The following KCNQ3 variants were observed in gnomAD, a reference collection of about 807,000 sequenced individuals.
KCNQ3 encodes the protein potassium voltage-gated channel subfamily Q member 3.
A neutral mutation model predicts 92.5 loss-of-function variants in KCNQ3; 30 were observed. The observed-to-expected ratio is 0.32, with a 90% CI of 0.24 to 0.44. KCNQ3 has a LOEUF of 0.44. KCNQ3 is among the 20% of genes least tolerant of loss of function. The pLI is 1.00. For synonymous variants in KCNQ3, 450 were observed against 468.8 expected, an observed-to-expected ratio of 0.96 and a Z score of 0.52; for missense variants, 913 against 1,140.3, an observed-to-expected ratio of 0.80 and a Z score of 2.87.
intron 7 of KCNQ3, among the ~76,000 whole-genome samples, chr8:132,171,992 CAA>C (rs34581870): frequency 1.4e-3 from 193 of 142,576 alleles, no homozygotes; most frequent in African/African-American, 4.6e-3. Context: ...CTCATCTCTA[CAA>C]AAAAAAAAAA....
chr8:132,169,111 G>T (rs1826230338), intron 8 of KCNQ3, among the ~76,000 whole-genome samples: 1 of 152,194 alleles, frequency 6.6e-6, no homozygotes, highest in Non-Finnish European at 1.5e-5. Context: ...AAGTGTCAGA[G>T]CCTGACTCTG....
At chr8:132,139,529 T>G (rs185886814) in intron 11 of KCNQ3, among the ~76,000 whole-genome samples, 2 of 152,372 alleles carry the variant, frequency 1.3e-5, no homozygotes, top group East Asian at 3.9e-4. Context: ...GCTTACATGC[T>G]GATAAAGTTT....
chr8:132,192,329 A>G (rs1827185334), intron 1 of KCNQ3, among the ~76,000 whole-genome samples: 1 of 152,216 alleles, frequency 6.6e-6, no homozygotes, highest in South Asian at 2.1e-4. Context: ...ACCCTCCTTA[A>G]CCTGAGAAGA....
intron 1 of KCNQ3, among the ~76,000 whole-genome samples, chr8:132,417,153 T>C (rs1465055177): frequency 2.0e-5 from 3 of 152,114 alleles, no homozygotes; most frequent in African/African-American, 7.2e-5. Context: ...GTGGGCAACA[T>C]CCCGTATAGA....
chr8:132,378,413 AC>A (rs1352297630), intron 1 of KCNQ3, among the ~76,000 whole-genome samples: 2 of 152,090 alleles, frequency 1.3e-5, no homozygotes, highest in African/African-American at 4.8e-5. Flanking sequence ...GAAAGACAAT[AC>A]TAAAAACATT....
chr8:132,382,741 T>C (rs760798200), intron 1 of KCNQ3, among the ~76,000 whole-genome samples: 15 of 152,022 alleles, frequency 9.9e-5, no homozygotes, highest in Non-Finnish European at 1.6e-4. Context: ...TCCTTGTGAA[T>C]TGGGGAAGGG....
intron 1 of KCNQ3, among the ~76,000 whole-genome samples, chr8:132,230,124 C>A (rs1183805337): frequency 6.6e-6 from 1 of 152,080 alleles, no homozygotes; most frequent in East Asian, 1.9e-4. Flanking sequence ...CAGATGACAG[C>A]ACCAAACAAC....
chr8:132,385,939 A>C (rs951930325), intron 1 of KCNQ3, among the ~76,000 whole-genome samples: 1 of 152,156 alleles, frequency 6.6e-6, no homozygotes, highest in African/African-American at 2.4e-5. Context: ...TCCGGGCAAA[A>C]AAAAAATCAA....
rs1818224594 is a variant in KCNQ3 at position 132,331,403 on chromosome 8, G to A, written c.387-145222C>T. ...GGCTGACTCAGTCTCACCTGCAGAG[G>A]ACCCAGCTGAGACTCAGGGGTGCCC... On this transcript the variant is annotated intron_variant, in intron 1 of 14. Transcript: ENST00000388996. Among the ~76,000 whole-genome samples, 6 of 152,286 alleles carry A rather than the reference G, an allele frequency of 3.9e-5. No homozygotes were observed. In the South Asian group the frequency reaches 1.2e-3, roughly 32 times the overall value.
intron 1 of KCNQ3, among the ~76,000 whole-genome samples, chr8:132,347,885 G>A (rs942043708): frequency 1.3e-5 from 2 of 151,278 alleles, no homozygotes; most frequent in East Asian, 3.9e-4. Context: ...GCTGAGGCAG[G>A]AGAATGGCGT....
intron 9 of KCNQ3, among the ~76,000 whole-genome samples, chr8:132,142,342 G>A (rs1208732605): frequency 6.6e-6 from 1 of 152,060 alleles, no homozygotes; most frequent in African/African-American, 2.4e-5. Flanking sequence ...GCTGACCTTC[G>A]GCAAATCTGT....
chr8:132,404,035 TC>T (rs969849707), intron 1 of KCNQ3, among the ~76,000 whole-genome samples: 3 of 152,156 alleles, frequency 2.0e-5, no homozygotes, highest in Non-Finnish European at 4.4e-5. Context: ...TCTGTACATC[TC>T]CACAGACCAG....
intron 1 of KCNQ3, among the ~76,000 whole-genome samples, chr8:132,379,531 C>G (rs1013101309): frequency 6.6e-6 from 1 of 152,174 alleles, no homozygotes; most frequent in Non-Finnish European, 1.5e-5. Flanking sequence ...CCACATCCCA[C>G]AAGGTGAGGT....
At chr8:132,157,264 A>C (rs988270694) in intron 9 of KCNQ3, among the ~76,000 whole-genome samples, 33 of 152,212 alleles carry the variant, frequency 2.2e-4, no homozygotes, top group African/African-American at 8.0e-4. Context: ...TACCATGCTC[A>C]TAGGTAGAGA....
chr8:132,255,280 T>C (rs957408458), intron 1 of KCNQ3, among the ~76,000 whole-genome samples: 5 of 152,140 alleles, frequency 3.3e-5, no homozygotes, highest in Non-Finnish European at 1.5e-5. Context: ...AAATTTCACT[T>C]GCAGGACTTG....
chr8:132,414,293 G>T (rs1820733561), intron 1 of KCNQ3, among the ~76,000 whole-genome samples: 1 of 152,186 alleles, frequency 6.6e-6, no homozygotes, highest in South Asian at 2.1e-4. Flanking sequence ...CAGAGAGTCA[G>T]GAGGGAGCAG....
chr8:132,164,101 G>A (rs16904610), intron 8 of KCNQ3, among the ~76,000 whole-genome samples: 1,998 of 152,112 alleles, frequency 0.013, 39 homozygotes, highest in African/African-American at 0.044. Context: ...TGCACCAGCC[G>A]TGCTTTACAC....
chr8:132,450,840 G>A (rs754116411), intron 1 of KCNQ3, among the ~76,000 whole-genome samples: 1 of 152,182 alleles, frequency 6.6e-6, no homozygotes, highest in Non-Finnish European at 1.5e-5. Context: ...TTCAATGGAC[G>A]ACTGGGGCAA....
At chr8:132,170,840 C>A (rs894506016) in intron 7 of KCNQ3, among the ~76,000 whole-genome samples, 2 of 143,704 alleles carry the variant, frequency 1.4e-5, no homozygotes, top group Admixed American at 6.9e-5. Context: ...AATTAAACTT[C>A]ATCTCTACAA....
Sources: allele counts gnomAD v4.1 joint callset (sites outside exome capture counted in the v4.1 genomes callset), GRCh38; gene constraint gnomAD v4.1.1; transcripts MANE v1.5; gene names NCBI Gene and HGNC (gene_info 2026-07-23, HGNC 2026-07-21).